TM9SF3: variants seen among roughly 807,000 people sequenced by gnomAD.
TM9SF3 encodes the protein transmembrane 9 superfamily member 3, also known as SM-11044-binding protein.
In TM9SF3, 14 loss-of-function variants were observed where a neutral mutation model predicts 78.6. The ratio of observed to expected loss-of-function variants is 0.18; its 90% confidence interval spans 0.12 to 0.28. The LOEUF (loss-of-function observed/expected upper bound fraction) is 0.28. TM9SF3 is among the 10% of genes least tolerant of loss of function. The pLI is 1.00. For synonymous variants in TM9SF3, 231 were observed against 241.7 expected (o/e 0.96, Z 0.41); for missense variants, 496 against 721.9 (o/e 0.69, Z 3.59).
chr10:96,552,648 T>C (rs895877828), intron 6 of TM9SF3, among the ~76,000 whole-genome samples: 1 of 152,166 alleles, frequency 6.6e-6, no homozygotes, highest in African/African-American at 2.4e-5. Context: ...TATTCTTACT[T>C]GGTGGCAAAA....
At chr10:96,574,973 G>C (rs1848480239) in intron 2 of TM9SF3, among the ~76,000 whole-genome samples, 1 of 152,018 alleles carries the variant, frequency 6.6e-6, no homozygotes, top group Non-Finnish European at 1.5e-5. Flanking sequence ...ACCAAACGTA[G>C]GTGACGGGTT....
At chr10:96,548,857 A>T (rs1436762733) in intron 7 of TM9SF3, among the ~76,000 whole-genome samples, 13 of 151,884 alleles carry the variant, frequency 8.6e-5, no homozygotes, top group African/African-American at 1.7e-4. Context: ...ATACGATTTT[A>T]AAAAAGTCTA....
At chr10:96,543,960 G>T in intron 9 of TM9SF3, 116 bp downstream of exon 9, 1 of 1,121,594 alleles carries the variant, frequency 8.9e-7, no homozygotes, top group Non-Finnish European at 1.2e-6. Flanking sequence ...CCAGGACTGA[G>T]TATGAACTGA....
chr10:96,558,621 AG>A (rs1393001113), intron 5 of TM9SF3, among the ~76,000 whole-genome samples: 2 of 151,210 alleles, frequency 1.3e-5, no homozygotes, highest in African/African-American at 2.4e-5. Context: ...ACTCCAGCCC[AG>A]GGGACAGAGC....
chr10:96,567,469 C>G (rs189283513), intron 2 of TM9SF3, among the ~76,000 whole-genome samples: 1 of 152,166 alleles, frequency 6.6e-6, no homozygotes, highest in Non-Finnish European at 1.5e-5. Context: ...TCTGCCTCTA[C>G]GCTCAAGCCA....
At chr10:96,538,346 C>T (rs185660997) in intron 9 of TM9SF3, among the ~76,000 whole-genome samples, 73 of 152,226 alleles carry the variant, frequency 4.8e-4, no homozygotes, top group African/African-American at 1.6e-3. Context: ...AACAAAACCC[C>T]TCTGGCCCTT....
chr10:96,571,006 T>A (rs1848431871), intron 2 of TM9SF3, among the ~76,000 whole-genome samples: 1 of 152,172 alleles, frequency 6.6e-6, no homozygotes, highest in Admixed American at 6.5e-5. Flanking sequence ...CCCAAAGTGC[T>A]GGGATTACAG....
intron 14 of TM9SF3, among the ~76,000 whole-genome samples, chr10:96,522,870 G>C (rs1847795378): frequency 6.6e-6 from 1 of 151,802 alleles, no homozygotes; most frequent in African/African-American, 2.4e-5. Flanking sequence ...TGTGTAGTTG[G>C]TAGTAGGGAT....
chr10:96,525,347 C>T (rs183248151), intron 14 of TM9SF3, among the ~76,000 whole-genome samples: 7 of 152,028 alleles, frequency 4.6e-5, no homozygotes, highest in Non-Finnish European at 8.8e-5. Flanking sequence ...CAGGGAATGG[C>T]TATCACAGCA....
At chr10:96,544,889 TTG>T (rs1213781044) in intron 8 of TM9SF3, among the ~76,000 whole-genome samples, 1 of 152,094 alleles carries the variant, frequency 6.6e-6, no homozygotes, top group East Asian at 1.9e-4. Flanking sequence ...GCCTCTAAGT[TTG>T]TCCTTAGCTC....
At chr10:96,529,292 G>A (rs1164017747) in intron 11 of TM9SF3, among the ~76,000 whole-genome samples, 2 of 152,134 alleles carry the variant, frequency 1.3e-5, no homozygotes, top group Non-Finnish European at 2.9e-5. Flanking sequence ...ATTTATGTCA[G>A]TTGTACCTGT....
intron 1 of TM9SF3, 86 bp downstream of exon 1, chr10:96,586,648 C>T: frequency 8.9e-7 from 1 of 1,121,780 alleles, no homozygotes; most frequent in Non-Finnish European, 1.1e-6. Flanking sequence ...CACCGGGCCG[C>T]CGGGCACTCC....
chr10:96,532,040 C>CT (rs1340046795), intron 10 of TM9SF3, among the ~76,000 whole-genome samples: 1 of 151,952 alleles, frequency 6.6e-6, no homozygotes, highest in Non-Finnish European at 1.5e-5. Context: ...GAAACCCCAT[C>CT]TCTACTAAAA....
chr10:96,571,837 A>G (rs550905117), intron 2 of TM9SF3, among the ~76,000 whole-genome samples: 5 of 152,150 alleles, frequency 3.3e-5, no homozygotes, highest in Non-Finnish European at 7.3e-5. Flanking sequence ...CAATTAACAC[A>G]CTTCATTATA....
intron 1 of TM9SF3, among the ~76,000 whole-genome samples, chr10:96,578,609 G>A (rs1443532326): frequency 6.6e-6 from 1 of 152,060 alleles, no homozygotes; most frequent in Admixed American, 6.5e-5. Flanking sequence ...TTTTTATTTG[G>A]GGAGACTGAC....
chr10:96,533,246 CA>C, intron 9 of TM9SF3, 56 bp from the exon 10 acceptor site: 1 of 1,539,968 alleles, frequency 6.5e-7, no homozygotes, highest in Admixed American at 2.0e-5. Flanking sequence ...TTAATATAAA[CA>C]AATAAAAGAG....
intron 1 of TM9SF3, among the ~76,000 whole-genome samples, chr10:96,578,753 C>A (rs1479696302): frequency 6.6e-6 from 1 of 152,190 alleles, no homozygotes; most frequent in Non-Finnish European, 1.5e-5. Flanking sequence ...CCAATCATTA[C>A]CAACTGATGA....
chr10:96,559,998 T>C (rs1471331711), intron 4 of TM9SF3, among the ~76,000 whole-genome samples: 1 of 152,242 alleles, frequency 6.6e-6, no homozygotes, highest in Non-Finnish European at 1.5e-5. Flanking sequence ...TTGACTTACA[T>C]ATTATGACCT....
chr10:96,549,027 T>TA (rs1848134752), intron 7 of TM9SF3, among the ~76,000 whole-genome samples: 1 of 151,936 alleles, frequency 6.6e-6, no homozygotes, highest in South Asian at 2.1e-4. Flanking sequence ...TCTGAAGAGG[T>TA]ATTTAGCCTA....
Sources: allele counts gnomAD v4.1 joint callset (sites outside exome capture counted in the v4.1 genomes callset), GRCh38; gene constraint gnomAD v4.1.1; transcripts MANE v1.5; gene names NCBI Gene and HGNC (gene_info 2026-07-23, HGNC 2026-07-21).